AGPS: variants seen among roughly 807,000 people sequenced by gnomAD.
AGPS encodes alkylglycerone phosphate synthase.
Under a neutral mutation model 90.7 loss-of-function variants are expected in AGPS, and 26 were observed. The ratio of observed to expected loss-of-function variants is 0.29; its 90% CI spans 0.21 to 0.40. The LOEUF is 0.40. Ranked by LOEUF, AGPS falls within the 10% of genes least tolerant of loss-of-function variation. The pLI is 1.00. For missense variants in AGPS, 540 were observed against 816.1 expected (o/e 0.66, Z 4.12); for synonymous variants, 294 against 285.3 (o/e 1.03, Z -0.31).
At chr2:177,481,487 A>T (rs1687942425) in intron 10 of AGPS, among the ~76,000 whole-genome samples, 2 of 151,558 alleles carry the variant, frequency 1.3e-5, no homozygotes, top group Admixed American at 1.3e-4. Context: ...ATTTATAATG[A>T]CTACTTTGTC....
chr2:177,418,009 A>G (rs1395226302), intron 1 of AGPS, among the ~76,000 whole-genome samples: 2 of 152,128 alleles, frequency 1.3e-5, no homozygotes, highest in African/African-American at 4.8e-5. Context: ...GGGGTAATCT[A>G]GATTTTAATT....
intron 5 of AGPS, among the ~76,000 whole-genome samples, chr2:177,437,974 T>A (rs1264772139): frequency 2.6e-5 from 4 of 152,232 alleles, no homozygotes; most frequent in Non-Finnish European, 5.9e-5. Context: ...TTATGAAATG[T>A]CTTTCATCTC....
chr2:177,461,102 T>C (rs533880802), intron 8 of AGPS, among the ~76,000 whole-genome samples: 112 of 152,296 alleles, frequency 7.4e-4, no homozygotes, highest in Non-Finnish European at 5.1e-4. Flanking sequence ...TCAACACAGA[T>C]TGATGGGCTT....
intron 1 of AGPS, among the ~76,000 whole-genome samples, chr2:177,416,250 G>A (rs1164495367): frequency 6.6e-6 from 1 of 152,022 alleles, no homozygotes; most frequent in African/African-American, 2.4e-5. Flanking sequence ...ATAATAGTAA[G>A]GCTAAATCTA....
chr2:177,425,622 G>GA (rs1159060576), intron 2 of AGPS, among the ~76,000 whole-genome samples: 71,106 of 95,038 alleles, frequency 0.75, 27,386 homozygotes, highest in East Asian at 0.9. Context: ...ACTCTGCCTA[G>GA]AAAAAAAAAA....
chr2:177,421,201 A>T (rs1044979939), intron 2 of AGPS, among the ~76,000 whole-genome samples: 1 of 152,044 alleles, frequency 6.6e-6, no homozygotes, highest in African/African-American at 2.4e-5. Flanking sequence ...GAGTACAAAT[A>T]TGTAATACTT....
chr2:177,420,855 C>T (rs1200834908), intron 2 of AGPS, among the ~76,000 whole-genome samples: 1 of 151,624 alleles, frequency 6.6e-6, no homozygotes, highest in African/African-American at 2.4e-5. Context: ...GATTTTAGGT[C>T]TGTGTGAATA....
chr2:177,527,671 A>C (rs1043454648), intron 19 of AGPS, among the ~76,000 whole-genome samples: 4 of 152,170 alleles, frequency 2.6e-5, no homozygotes, highest in Non-Finnish European at 5.9e-5. Context: ...TGTTACATTA[A>C]AGCTATGTGT....
chr2:177,404,525 T>C (rs1465304421), intron 1 of AGPS, among the ~76,000 whole-genome samples: 1 of 152,070 alleles, frequency 6.6e-6, no homozygotes, highest in Non-Finnish European at 1.5e-5. Context: ...AACTTCACAA[T>C]ACTCATTAGT....
At chr2:177,526,634 G>A (rs2079090301) in intron 19 of AGPS, among the ~76,000 whole-genome samples, 1 of 152,148 alleles carries the variant, frequency 6.6e-6, no homozygotes, top group Non-Finnish European at 1.5e-5. Context: ...GGGCCTTATA[G>A]TCCAGTAGAA....
At chr2:177,516,489 A>C (rs1447577446) in intron 17 of AGPS, among the ~76,000 whole-genome samples, 2 of 152,152 alleles carry the variant, frequency 1.3e-5, no homozygotes, top group Non-Finnish European at 2.9e-5. Flanking sequence ...TAAATGATAG[A>C]GTTGATCTAT....
chr2:177,523,495 A>G (rs1689261447), intron 18 of AGPS, among the ~76,000 whole-genome samples: 1 of 152,278 alleles, frequency 6.6e-6, no homozygotes, highest in African/African-American at 2.4e-5. Flanking sequence ...CTGAATGGTC[A>G]TTTTGTCTTT....
chr2:177,493,495 A>G (rs1012435917), intron 12 of AGPS, among the ~76,000 whole-genome samples: 4 of 152,204 alleles, frequency 2.6e-5, no homozygotes, highest in Non-Finnish European at 5.9e-5. Context: ...CTTGAGCTAA[A>G]TCTTCAAAGG....
intron 8 of AGPS, among the ~76,000 whole-genome samples, chr2:177,453,853 A>T (rs1346030233): frequency 6.8e-6 from 1 of 146,474 alleles, no homozygotes; most frequent in Non-Finnish European, 1.5e-5. Flanking sequence ...ATGCCCGGCT[A>T]ATTTTGTATT....
At chr2:177,417,345 A>G (rs745826819) in intron 1 of AGPS, among the ~76,000 whole-genome samples, 13 of 152,230 alleles carry the variant, frequency 8.5e-5, no homozygotes, top group Admixed American at 2.0e-4. Context: ...AATAAATTTT[A>G]TGTTTAGACT....
chr2:177,400,466 A>G (rs1310154322), intron 1 of AGPS, among the ~76,000 whole-genome samples: 1 of 152,182 alleles, frequency 6.6e-6, no homozygotes, highest in Non-Finnish European at 1.5e-5. Context: ...AAGCATTTGT[A>G]TATTTAATTC....
chr2:177,393,097 G>A, intron 1 of AGPS, 48 bp downstream of exon 1: 1 of 1,550,218 alleles, frequency 6.5e-7, no homozygotes. Context: ...ACCAGGCCGG[G>A]CCTGTGCTGC....
intron 17 of AGPS, 37 bp downstream of exon 17, chr2:177,513,945 G>GA (rs1364250483): frequency 1.5e-5 from 22 of 1,486,814 alleles, no homozygotes; most frequent in South Asian, 2.3e-5. Context: ...TTCTTATTCT[G>GA]AAAAAAATGT....
At chr2:177,493,112 A>C (rs1344097755) in intron 11 of AGPS, 36 bp from the exon 12 acceptor site, 3 of 1,569,784 alleles carry the variant, frequency 1.9e-6, no homozygotes, top group Non-Finnish European at 2.6e-6. Context: ...TTACTGTATT[A>C]AATTTGTATC....
Sources: allele counts gnomAD v4.1 joint callset (sites outside exome capture counted in the v4.1 genomes callset), GRCh38; gene constraint gnomAD v4.1.1; transcripts MANE v1.5; gene names NCBI Gene and HGNC (gene_info 2026-07-23, HGNC 2026-07-21).